The following C1QTNF2 variants were observed in gnomAD, a reference collection of about 807,000 sequenced individuals.
C1QTNF2 encodes the protein complement C1q tumor necrosis factor-related protein 2.
C1QTNF2 carries 15 observed loss-of-function variants against 17.4 expected under a neutral mutation model. The observed-to-expected ratio is 0.86, with a 90% CI of 0.58 to 1.33. The LOEUF (loss-of-function observed/expected upper bound fraction) is 1.33, where lower values mean the gene tolerates loss of function less well. Among genes scored for constraint, C1QTNF2 ranks in the 40% most tolerant of loss-of-function variants. The pLI, the probability that C1QTNF2 is intolerant of heterozygous loss-of-function variation, is 0.00. For missense variants in C1QTNF2, 381 were observed against 392.3 expected (o/e 0.97, Z 0.24); for synonymous variants, 154 against 163.3 (o/e 0.94, Z 0.44).
Position 160,354,960 on chromosome 5 carries a change from G to A in C1QTNF2, c.52C>T (p.Leu18=), listed in dbSNP as rs150571475. 1.8e-5 allele frequency: 28 copies of A among 1,593,906 alleles called. No individual in the cohort carries two copies. The highest frequency in any genetic ancestry group is 3.4e-6 in the Non-Finnish European group (4 of 1,171,122). ...ACALPCAADP[L]LGAFARRDFR... ...TCCCTGCGAGCAAAGGCGCCAAGCA[G>A]TGGGTCAGCAGCACAGGGGAGGGCA... Residue 18 remains leucine (L), a synonymous_variant, in exon 2 of 3, where the codon CTG becomes TTG. Transcript: ENST00000652664.
At chr5:160,368,357 C>A (rs546009143) in intron 1 of C1QTNF2, among the ~76,000 whole-genome samples, 96 of 152,006 alleles carry the variant, frequency 6.3e-4, no homozygotes, top group African/African-American at 2.1e-3. Flanking sequence ...TATGGTGAAA[C>A]CCCGTCTCTA....
rs1306072829 is a variant in C1QTNF2 at position 160,349,053 on chromosome 5, C to A, written c.*115G>T. 10 of 1,311,872 alleles carry A rather than the reference C, an allele frequency of 7.6e-6. No homozygotes were observed. The Admixed American group carries it at 1.4e-4, about 19-fold the overall frequency. The allele number at this position is 1,311,872 out of a possible 1,614,324, so 81.3% of individuals were successfully genotyped here. On this transcript the variant is annotated 3_prime_UTR_variant, in exon 3 of 3. Transcript: ENST00000652664. The surrounding 1 kb of genome is among the most constrained non-coding windows in gnomAD (Gnocchi z 4.3). ...AAAAAAAGAGGCAGAGGAGGTGAGC[C>A]TGAGGCTAGAACCGCTCACTCGACC... is the stretch of plus-strand genomic sequence containing the variant.
chr5:160,352,286 T>C (rs1338784485), intron 2 of C1QTNF2, among the ~76,000 whole-genome samples: 3 of 152,320 alleles, frequency 2.0e-5, no homozygotes, highest in Middle Eastern at 3.4e-3. Context: ...CCATGTATTA[T>C]ATAATGTGCT....
At chr5:160,354,607 T>A (rs1281860807) in intron 2 of C1QTNF2, among the ~76,000 whole-genome samples, 161 bp downstream of exon 2, 3,478 of 51,222 alleles carry the variant, frequency 0.068, 390 homozygotes, top group African/African-American at 0.16. Context: ...AGTATATATA[T>A]ATATATATAT....
At position 160,349,728 on chromosome 5, in the gene C1QTNF2, C is replaced by A; in HGVS notation, c.298G>T (p.Gly100Trp). The change falls in exon 3 of 3, where the codon GGG becomes TGG. Residue 100 changes from glycine (G) to tryptophan (W), a missense_variant. Physicochemically the swap from Gly to Trp is radical, Grantham distance 184. Transcript: ENST00000652664. This position sits in a 1 kb window ranked among gnomAD's most constrained non-coding sequence, Gnocchi z 4.3. ...RGKPGPKGKA[G>W]AIGRAGPRGP... ...CGGGGGCCAGCCCGCCCAATGGCCC[C>A]GGCTTTGCCCTTTGGTCCTGGCTTT... 6.4e-7 allele frequency: 1 copy of A among 1,555,212 alleles called. No individual in the cohort carries two copies. Among genetic ancestry groups the A allele is most frequent in the East Asian group, 2.2e-5 (1 of 44,646 alleles).
At chr5:160,369,528 G>C (rs1209720151) in intron 1 of C1QTNF2, among the ~76,000 whole-genome samples, 3 of 152,198 alleles carry the variant, frequency 2.0e-5, no homozygotes, top group African/African-American at 7.2e-5. Context: ...AAGGATGTGA[G>C]AGGACAGATT....
At position 160,368,145 on chromosome 5, in the gene C1QTNF2, G is replaced by C. The variant is rs554813536; in HGVS notation, c.-10+2367C>G. ...GTGATGTGTATGCGCATGTGTATGT[G>C]TGTTATAGGAGTAAGCCACTTAACA... On this transcript the variant is annotated intron_variant, in intron 1 of 2. Transcript: ENST00000652664. 3.9e-5 allele frequency among the ~76,000 whole-genome samples: 6 copies of C among 152,344 alleles called. No individual in the cohort carries two copies. The South Asian group carries it at 1.0e-3, about 26-fold the overall frequency.
At chr5:160,361,949 T>C (rs533854665) in intron 1 of C1QTNF2, among the ~76,000 whole-genome samples, 5 of 152,342 alleles carry the variant, frequency 3.3e-5, no homozygotes, top group Admixed American at 2.6e-4. Context: ...GCTCTTTCCC[T>C]GGAATGGAAG....
At chr5:160,366,467 G>A (rs1278650918) in intron 1 of C1QTNF2, among the ~76,000 whole-genome samples, 1 of 152,184 alleles carries the variant, frequency 6.6e-6, no homozygotes, top group African/African-American at 2.4e-5. Flanking sequence ...GAATAAACAA[G>A]CAGACCTGGG....
intron 1 of C1QTNF2, among the ~76,000 whole-genome samples, chr5:160,366,126 C>T (rs1427153598): frequency 2.0e-5 from 3 of 152,152 alleles, no homozygotes; most frequent in African/African-American, 7.2e-5. Context: ...CCCCTTGAGT[C>T]CCCAAAGTCC....
Position 160,362,382 on chromosome 5 carries a change from A to C in C1QTNF2, c.-9-7362T>G, listed in dbSNP as rs76780055. 2.0e-5 allele frequency among the ~76,000 whole-genome samples: 3 copies of C among 152,348 alleles called. No homozygotes were observed. The East Asian group carries it at 5.8e-4, about 29-fold the overall frequency. On this transcript the variant is annotated intron_variant, in intron 1 of 2. Coordinates refer to ENST00000652664, the MANE Select transcript of C1QTNF2 (RefSeq NM_031908.6). ...TTCCGGGAAATCTCCACCTTTTTCC[A>C]GGAATTTTCATGAATATTCCACCTC...
Position 160,349,761 on chromosome 5 carries a change from T to A in C1QTNF2, c.265A>T (p.Asn89Tyr). 1 of 1,528,894 alleles carries A rather than the reference T, an allele frequency of 6.5e-7. No homozygotes were observed. Among genetic ancestry groups the A allele is most frequent in the Non-Finnish European group, 8.7e-7 (1 of 1,148,282 alleles). The allele number at this position is 1,528,894 out of a possible 1,614,324, so 94.7% of individuals were successfully genotyped here. ...CCCTTTGGTCCTGGCTTTCCCCGGT[T>A]ACCTGTCCGGCCAGGTGGACCTGGA... ...GEEGPPGRTGNRGKPGPKGKA... is the reference protein window; with the variant it reads ...GEEGPPGRTGYRGKPGPKGKA... Residue 89 changes from asparagine (N) to tyrosine (Y), a missense_variant, in exon 3 of 3, where the codon AAC becomes TAC. By Grantham distance (143) the Asn-to-Tyr change is moderately radical. Coordinates refer to ENST00000652664, the MANE Select transcript of C1QTNF2 (RefSeq NM_031908.6). This position sits in a 1 kb window ranked among gnomAD's most constrained non-coding sequence, Gnocchi z 4.3.
chr5:160,367,907 T>G (rs2113540167), intron 1 of C1QTNF2, among the ~76,000 whole-genome samples: 1 of 152,358 alleles, frequency 6.6e-6, no homozygotes, highest in East Asian at 1.9e-4. Context: ...TTCAAAGTTT[T>G]GATGTTCATA....
In C1QTNF2 at chr5:160,354,989, G is replaced by A; in HGVS notation, c.23C>T (p.Ala8Val). 1 of 1,584,340 alleles carries A rather than the reference G, an allele frequency of 6.3e-7. No homozygotes were observed. Among genetic ancestry groups the A allele is most frequent in the Non-Finnish European group, 8.6e-7 (1 of 1,166,604 alleles). Residue 8 changes from alanine (A) to valine (V), a missense_variant, in exon 2 of 3, where the codon GCC (alanine) becomes GTC (valine). Transcript: ENST00000652664. MIPWVLL[A>V]CALPCAADPL... is the part of the protein sequence containing the mutation. ...GTCAGCAGCACAGGGGAGGGCACAG[G>A]CCAGGAGCACCCAGGGGATCATGGT...
At chr5:160,358,379 C>T (rs572578890) in intron 1 of C1QTNF2, among the ~76,000 whole-genome samples, 5 of 152,306 alleles carry the variant, frequency 3.3e-5, no homozygotes, top group South Asian at 4.2e-4. Context: ...ACAAGGGTGT[C>T]GAGAAAGCCT....
intron 1 of C1QTNF2, among the ~76,000 whole-genome samples, chr5:160,366,346 G>A (rs572789418): frequency 4.5e-4 from 68 of 152,286 alleles, no homozygotes; most frequent in Middle Eastern, 3.4e-3. Flanking sequence ...AGATAATGCA[G>A]CAACCAGCCC....
intron 1 of C1QTNF2, among the ~76,000 whole-genome samples, chr5:160,367,152 T>C (rs1764263128): frequency 6.6e-6 from 1 of 152,156 alleles, no homozygotes; most frequent in South Asian, 2.1e-4. Context: ...AGTTGGCTTA[T>C]CAGTGGCCTC....
At chr5:160,370,066 A>C (rs1317435400) in intron 1 of C1QTNF2, among the ~76,000 whole-genome samples, 2 of 152,212 alleles carry the variant, frequency 1.3e-5, no homozygotes, top group South Asian at 2.1e-4. Flanking sequence ...ACTCAGATTT[A>C]CCAGACTTCA....
At chr5:160,362,472 G>C (rs1030973200) in intron 1 of C1QTNF2, among the ~76,000 whole-genome samples, 6 of 152,186 alleles carry the variant, frequency 3.9e-5, no homozygotes, top group African/African-American at 1.4e-4. Flanking sequence ...TCTTGAGAAT[G>C]CCCACAGCCC....
Sources: allele counts gnomAD v4.1 joint callset (sites outside exome capture counted in the v4.1 genomes callset), GRCh38; gene constraint gnomAD v4.1.1; non-coding constraint Gnocchi (gnomAD v3.1); transcripts MANE v1.5; gene names NCBI Gene and HGNC (gene_info 2026-07-23, HGNC 2026-07-21).